Variants in CDK18 observed in about 807,000 individuals in gnomAD.
The protein encoded by CDK18 is cyclin-dependent kinase 18.
Under a neutral mutation model 62.0 loss-of-function variants are expected in CDK18, and 52 were observed. The observed-to-expected ratio is 0.84, with a 90% CI of 0.67 to 1.06. CDK18 has a LOEUF of 1.06. Ranked by LOEUF, CDK18 falls within the 50% of genes least tolerant of loss-of-function variation. The pLI is 0.00. For missense variants in CDK18, 604 were observed against 619.9 expected (o/e 0.97, Z 0.27); for synonymous variants, 237 against 247.0 (o/e 0.96, Z 0.38).
intron 1 of CDK18, among the ~76,000 whole-genome samples, chr1:205,520,464 C>T (rs1668060134): frequency 6.6e-6 from 1 of 151,890 alleles, no homozygotes. Context: ...TTTGGGAGGC[C>T]GAGGAGGGGC....
At chr1:205,522,402 T>C (rs1038923887) in intron 1 of CDK18, 1 of 152,112 alleles carries the variant, frequency 6.6e-6, no homozygotes, top group Admixed American at 6.6e-5. Context: ...ACTCTATTAA[T>C]GGCAAGCTTC....
intron 1 of CDK18, among the ~76,000 whole-genome samples, chr1:205,507,398 G>A (rs992263364): frequency 6.6e-6 from 1 of 151,798 alleles, no homozygotes; most frequent in African/African-American, 2.4e-5. Context: ...TTGGGAGGCC[G>A]AGGTGGACGG....
chr1:205,506,341 A>C (rs1667304597), intron 1 of CDK18, among the ~76,000 whole-genome samples: 1 of 151,946 alleles, frequency 6.6e-6, no homozygotes, highest in African/African-American at 2.4e-5. Context: ...CCCCACCCTT[A>C]ATCTGGGGTG....
At chr1:205,525,299 C>G in intron 5 of CDK18, 104 bp downstream of exon 5, 2 of 739,310 alleles carry the variant, frequency 2.7e-6, no homozygotes. Flanking sequence ...CTCTGGTTGG[C>G]CCTCTCCTGG....
intron 6 of CDK18, 26 bp downstream of exon 6, chr1:205,526,205 C>A (rs757166609): frequency 1.2e-5 from 19 of 1,589,796 alleles, no homozygotes; most frequent in Non-Finnish European, 1.6e-5. Context: ...CTCCCACGCT[C>A]CCCTGGGGGC....
chr1:205,513,285 G>A (rs572944051), intron 1 of CDK18, among the ~76,000 whole-genome samples: 9 of 152,324 alleles, frequency 5.9e-5, no homozygotes, highest in African/African-American at 2.2e-4. Flanking sequence ...TTCTCTGGAG[G>A]CAGGAGGATG....
intron 14 of CDK18, 101 bp downstream of exon 14, chr1:205,530,450 C>A: frequency 7.7e-7 from 1 of 1,302,260 alleles, no homozygotes; most frequent in Non-Finnish European, 1.1e-6. Flanking sequence ...AGGCCCCAGC[C>A]CCAGCAGAGC....
chr1:205,529,711 A>AG (rs1668641912), intron 13 of CDK18, 148 bp downstream of exon 13: 2 of 1,543,026 alleles, frequency 1.3e-6, no homozygotes, highest in Non-Finnish European at 8.7e-7. Context: ...CCCAAGGCCA[A>AG]GGGGTGGCCT....
chr1:205,531,521 C>T lies in CDK18; in HGVS notation c.*143C>T. 4 of 730,784 alleles carry T rather than the reference C, an allele frequency of 5.5e-6. No individual in the cohort carries two copies. Among genetic ancestry groups the T allele is most frequent in the Non-Finnish European group, 9.7e-6 (4 of 414,098 alleles). 45.3% of individuals were successfully genotyped at this position (730,784 alleles called of 1,614,324 possible). A position where few individuals can be genotyped will look rare whatever the true frequency, so the allele number is the denominator to read the frequency against. On this transcript the variant is annotated 3_prime_UTR_variant, in exon 16 of 16. Coordinates refer to ENST00000429964, the MANE Select transcript of CDK18 (RefSeq NM_212502.3). ...GAAGACCGCTTGGCAGCCCTTCTGG[C>T]CACGGCTGTTTCTTCTTTGTGCTTC...
chr1:205,526,925 C>A, intron 8 of CDK18, 88 bp downstream of exon 8: 1 of 1,106,120 alleles, frequency 9.0e-7, no homozygotes, highest in South Asian at 1.3e-5. Flanking sequence ...ACCAGGGATC[C>A]GGCTGCTGAG....
Position 205,527,482 on chromosome 1 carries a change from A to C in CDK18, c.730-312A>C. On this transcript the variant is annotated intron_variant, in intron 8 of 15. Transcript: ENST00000429964. The surrounding 1 kb of genome is among the most constrained non-coding windows in gnomAD (Gnocchi z 4.1). ...TGACAGAGTAAAACCCTGACTCTAA[A>C]AGAAAAAAAAAAAAAAAAGGGATCA... 4.3e-6 allele frequency: 1 copy of C among 234,150 alleles called. No individual in the cohort carries two copies. Among genetic ancestry groups the C allele is most frequent in the South Asian group, 5.5e-5 (1 of 18,090 alleles). The allele number at this position is 234,150 out of a possible 1,614,324, so 14.5% of individuals were successfully genotyped here.
rs781056626 is a variant in CDK18, at chr1:205,526,398, T to C, written c.603T>C (p.Asn201=). 51 of 1,613,924 alleles carry C rather than the reference T, an allele frequency of 3.2e-5. No individual in the cohort carries two copies. The highest frequency in any genetic ancestry group is 3.3e-4 in the Middle Eastern group (2 of 6,084). Residue 201 remains asparagine (N), a synonymous_variant, in exon 7 of 16, where the codon AAT becomes AAC. Transcript: ENST00000429964. ...VSLLKNLKHA[N]IVTLHDLIHT... ...TGCTGAAGAACCTGAAGCACGCCAA[T>C]ATTGTGACCCTGCATGACCTCATCC...
chr1:205,512,417 G>A (rs1169501248), intron 1 of CDK18, among the ~76,000 whole-genome samples: 3 of 152,214 alleles, frequency 2.0e-5, no homozygotes, highest in Non-Finnish European at 4.4e-5. Context: ...CGCTGAGCAG[G>A]TGCTTGTGAA....
intron 1 of CDK18, among the ~76,000 whole-genome samples, chr1:205,521,293 C>T (rs1668114686): frequency 6.6e-6 from 1 of 152,232 alleles, no homozygotes; most frequent in South Asian, 2.1e-4. Context: ...CTCACTGCAA[C>T]CTCCGCCTCC....
chr1:205,528,272 C>T lies in CDK18; in HGVS notation c.974+104C>T. On this transcript the variant is annotated intron_variant, in intron 10 of 15. Transcript: ENST00000429964. The surrounding 1 kb of genome is among the most constrained non-coding windows in gnomAD (Gnocchi z 4.2). The stretch of plus-strand genomic sequence containing the variant: ...GCCTCGGGGAAGAACTGCCTAACTT[C>T]CTTTGCCTAAAAGCCTTGTGACATC... 7.2e-7 allele frequency: 1 copy of T among 1,387,070 alleles called. No homozygotes were observed. Among genetic ancestry groups the T allele is most frequent in the Non-Finnish European group, 9.9e-7 (1 of 1,010,264 alleles). 85.9% of individuals were successfully genotyped at this position (1,387,070 alleles called of 1,614,324 possible).
At position 205,524,486 on chromosome 1, in the gene CDK18, G is replaced by T. The variant is rs187962251; in HGVS notation, c.399+129G>T. The stretch of plus-strand genomic sequence containing the variant: ...TCCTGGGCCTCTGGTGCCACCTGCT[G>T]GCTTGAGTGCATTCAACTAGCTCGT... On this transcript the variant is annotated intron_variant, in intron 4 of 15. Coordinates refer to ENST00000429964, the MANE Select transcript of CDK18 (RefSeq NM_212502.3). The T allele has an allele frequency of 6.9e-6, 7 of 1,019,936 alleles. No homozygotes were observed. In the East Asian group the frequency reaches 1.7e-4, roughly 25 times the overall value. 63.2% of individuals were successfully genotyped at this position (1,019,936 alleles called of 1,614,324 possible). A position where few individuals can be genotyped will look rare whatever the true frequency, so the allele number is the denominator to read the frequency against.
rs2102316870 is a variant in CDK18, at chr1:205,527,732, C to T, written c.730-62C>T. 1 of 1,572,510 alleles carries T rather than the reference C, an allele frequency of 6.4e-7. No homozygotes were observed. The highest frequency in any genetic ancestry group is 2.2e-5 in the East Asian group (1 of 44,630). ...CAAGCCCCTGCCCCCATCCTGGTCC[C>T]AGCCTTGGAGCAGAGGCTCAGGGCC... On this transcript the variant is annotated intron_variant, in intron 8 of 15. Transcript: ENST00000429964. This position sits in a 1 kb window ranked among gnomAD's most constrained non-coding sequence, Gnocchi z 4.1.
At chr1:205,522,264 G>A (rs184631187) in intron 1 of CDK18, among the ~76,000 whole-genome samples, 5 of 152,072 alleles carry the variant, frequency 3.3e-5, no homozygotes, top group Admixed American at 6.5e-5. Flanking sequence ...GGACAGGACC[G>A]TGGGGGTGGG....
intron 1 of CDK18, among the ~76,000 whole-genome samples, chr1:205,521,813 A>G (rs1668142589): frequency 6.6e-6 from 1 of 152,214 alleles, no homozygotes; most frequent in Admixed American, 6.5e-5. Flanking sequence ...TAATCCCTTA[A>G]ACCAGGAGGA....
Sources: gnomAD v4.1 joint callset for allele counts (sites outside exome capture counted in the v4.1 genomes callset) on GRCh38, gnomAD v4.1.1 for gene constraint, Gnocchi (gnomAD v3.1) non-coding constraint, MANE v1.5 for transcripts, NCBI Gene and HGNC (gene_info 2026-07-23, HGNC 2026-07-21) for gene names.